Variants in WDR43 observed in about 807,000 individuals in gnomAD.
The protein encoded by WDR43 is WD repeat domain 43.
In WDR43, 13 loss-of-function variants were observed where a neutral mutation model predicts 91.4. The ratio of observed to expected loss-of-function variants is 0.14; its 90% confidence interval spans 0.09 to 0.23. The LOEUF is 0.23. Ranked by LOEUF, WDR43 falls within the 10% of genes least tolerant of loss-of-function variation. WDR43 has a pLI of 1.00. For missense variants in WDR43, 780 were observed against 809.4 expected (o/e 0.96, Z 0.44); for synonymous variants, 331 against 287.9 (o/e 1.15, Z -1.51).
At chr2:28,904,120 A>G (rs1036699817) in intron 2 of WDR43, among the ~76,000 whole-genome samples, 3 of 152,046 alleles carry the variant, frequency 2.0e-5, no homozygotes, top group Non-Finnish European at 2.9e-5. Context: ...TCCTTTTTAT[A>G]TCATTTCACA....
At chr2:28,917,845 G>GTCTTGCTATCTAACTTGCTGGAAA in intron 5 of WDR43, 48 bp from the exon 6 acceptor site, 1 of 1,523,328 alleles carries the variant, frequency 6.6e-7, no homozygotes, top group South Asian at 1.2e-5. Context: ...TTTTTAGGAA[G>GTCTTGCTATCTAACTTGCTGGAAA]AAAATTAAAT....
At chr2:28,943,939 A>T (rs115257944) in intron 16 of WDR43, among the ~76,000 whole-genome samples, 1,576 of 152,278 alleles carry the variant, frequency 0.01, 33 homozygotes, top group African/African-American at 0.035. Context: ...GACAATTTGC[A>T]TATCCTTCCA....
At chr2:28,914,892 G>T (rs1480168888) in intron 5 of WDR43, among the ~76,000 whole-genome samples, 1 of 152,164 alleles carries the variant, frequency 6.6e-6, no homozygotes, top group Non-Finnish European at 1.5e-5. Flanking sequence ...TCCCGCCACT[G>T]CACTCTAGCC....
chr2:28,936,873 T>C (rs947009038), intron 12 of WDR43, 49 bp from the exon 13 acceptor site: 3 of 1,504,262 alleles, frequency 2.0e-6, no homozygotes, highest in African/African-American at 2.8e-5. Flanking sequence ...ATTGACAGCA[T>C]TGGTTGCCTC....
intron 6 of WDR43, among the ~76,000 whole-genome samples, chr2:28,918,894 T>C (rs986755960): frequency 2.0e-5 from 3 of 152,232 alleles, no homozygotes; most frequent in Admixed American, 1.3e-4. Flanking sequence ...AATTTAGTTT[T>C]GAAATGCATA....
At chr2:28,908,465 G>T (rs945763282) in intron 3 of WDR43, among the ~76,000 whole-genome samples, 3 of 152,196 alleles carry the variant, frequency 2.0e-5, no homozygotes, top group African/African-American at 7.2e-5. Flanking sequence ...TTCTGATCCA[G>T]TAGGTCTGGG....
At chr2:28,930,191 G>A in intron 11 of WDR43, 1 of 450,012 alleles carries the variant, frequency 2.2e-6, no homozygotes, top group Non-Finnish European at 4.6e-6. Flanking sequence ...TGGGGGTTAT[G>A]TTGTAAAATA....
At chr2:28,932,431 G>A (rs967309951) in intron 11 of WDR43, among the ~76,000 whole-genome samples, 2 of 152,134 alleles carry the variant, frequency 1.3e-5, no homozygotes, top group African/African-American at 2.4e-5. Context: ...CCAGAATGCT[G>A]GGATTACAGG....
At position 28,906,541 on chromosome 2, in the gene WDR43, C is replaced by T. The variant is rs1488911818; in HGVS notation, c.445C>T (p.His149Tyr). 2.5e-6 allele frequency: 4 copies of T among 1,608,938 alleles called. No individual in the cohort carries two copies. The highest frequency in any genetic ancestry group is 1.7e-5 in the Admixed American group (1 of 59,392). The change falls in exon 3 of 18, where the codon CAT becomes TAT. Residue 149 changes from histidine to tyrosine, a missense_variant. Physicochemically the swap from His to Tyr is moderately conservative, Grantham distance 83. Around this residue, in one of 4 missense-constraint regions of WDR43, gnomAD observed 174 missense variants for 207.3 expected, o/e 0.84. Transcript: ENST00000407426. ...TTTATATAGTTGTTCAGATGATAAA[C>T]ATATTGTGGAATGGAACGTACAGAC... is the stretch of plus-strand genomic sequence containing the variant. ...GCLYSCSDDK[H>Y]IVEWNVQTCK... is the part of the protein sequence containing the mutation.
At chr2:28,928,949 ACAG>A (rs1406566046) in intron 10 of WDR43, among the ~76,000 whole-genome samples, 1 of 152,210 alleles carries the variant, frequency 6.6e-6, no homozygotes, top group Admixed American at 6.5e-5. Context: ...TGCTGGGATT[ACAG>A]GTGAGAGCCA....
chr2:28,932,193 A>G (rs914551289), intron 11 of WDR43, among the ~76,000 whole-genome samples: 4 of 151,922 alleles, frequency 2.6e-5, no homozygotes, highest in Non-Finnish European at 4.4e-5. Flanking sequence ...TGATTGATTG[A>G]TCGATTGTCG....
rs1671159854 is a variant in WDR43 at position 28,927,343 on chromosome 2, A to G, written c.1174-226A>G. ...AACCAACTACTGTCAGGCCAGTCGGATTTTACTCTTATGTGGTATTGTAAG... is the reference window on the plus strand; with the variant it reads ...AACCAACTACTGTCAGGCCAGTCGGGTTTTACTCTTATGTGGTATTGTAAG... On this transcript the variant is annotated intron_variant, in intron 9 of 17. Transcript: ENST00000407426. 9.1e-6 allele frequency: 5 copies of G among 548,238 alleles called. No homozygotes were observed. In the Admixed American group the frequency reaches 9.6e-5, roughly 11 times the overall value. 34.0% of individuals were successfully genotyped at this position (548,238 alleles called of 1,614,324 possible).
intron 3 of WDR43, among the ~76,000 whole-genome samples, chr2:28,910,467 A>C (rs1670770438): frequency 6.6e-6 from 1 of 151,904 alleles, no homozygotes; most frequent in Non-Finnish European, 1.5e-5. Flanking sequence ...GTGAGGTTGA[A>C]TTTCGTGTTT....
At chr2:28,931,797 A>T (rs2148194796) in intron 11 of WDR43, among the ~76,000 whole-genome samples, 1 of 152,144 alleles carries the variant, frequency 6.6e-6, no homozygotes, top group Non-Finnish European at 1.5e-5. Context: ...AATAATAGAG[A>T]AGTGGTTGAA....
At chr2:28,911,567 T>G (rs1572585414) in intron 3 of WDR43, among the ~76,000 whole-genome samples, 1 of 152,144 alleles carries the variant, frequency 6.6e-6, no homozygotes, top group African/African-American at 2.4e-5. Context: ...GTGCTGGGAT[T>G]ACAGGCATGA....
At chr2:28,944,958 A>G (rs1186292453) in intron 16 of WDR43, among the ~76,000 whole-genome samples, 2 of 152,178 alleles carry the variant, frequency 1.3e-5, no homozygotes, top group Non-Finnish European at 2.9e-5. Flanking sequence ...TCCATTTAAT[A>G]TTTTTGGATT....
At chr2:28,930,038 A>G (rs954620122) in intron 11 of WDR43, 1 of 490,846 alleles carries the variant, frequency 2.0e-6, no homozygotes, top group South Asian at 1.5e-5. Flanking sequence ...CTAGATCACA[A>G]TTTATATTTT....
chr2:28,902,498 G>A (rs149982974), intron 2 of WDR43, among the ~76,000 whole-genome samples: 59 of 152,370 alleles, frequency 3.9e-4, no homozygotes, highest in African/African-American at 1.4e-3. Flanking sequence ...TTGTGCTGCT[G>A]TTGCTGTCTC....
intron 6 of WDR43, among the ~76,000 whole-genome samples, chr2:28,921,733 A>T (rs1671029868): frequency 6.6e-6 from 1 of 151,642 alleles, no homozygotes; most frequent in Non-Finnish European, 1.5e-5. Context: ...CTTTTTTGAG[A>T]TGGGGTTTCA....
Sources: allele counts gnomAD v4.1 joint callset (sites outside exome capture counted in the v4.1 genomes callset), GRCh38; gene constraint gnomAD v4.1.1; regional missense constraint gnomAD v4.1.1; transcripts MANE v1.5; gene names NCBI Gene and HGNC (gene_info 2026-07-23, HGNC 2026-07-21).